Variants in IL16 observed in about 807,000 individuals in gnomAD.
The protein encoded by IL16 is interleukin 16, also known as pro-interleukin-16.
Under a neutral mutation model 110.1 loss-of-function variants are expected in IL16, and 67 were observed. That is an observed-to-expected ratio of 0.61 (90% CI 0.50 to 0.75). The LOEUF (loss-of-function observed/expected upper bound fraction) is 0.75, where lower values mean the gene tolerates loss of function less well. Among genes scored for constraint, IL16 ranks in the 30% least tolerant of loss-of-function variants. The pLI, the probability that IL16 is intolerant of heterozygous loss-of-function variation, is 0.00. For synonymous variants in IL16, 689 were observed against 662.9 expected, an observed-to-expected ratio of 1.04 and a Z score of -0.61; for missense variants, 1,545 against 1,655.0, an observed-to-expected ratio of 0.93 and a Z score of 1.15.
chr15:81,192,286 G>A (rs1192292904), upstream of IL16, among the ~76,000 whole-genome samples: 1 of 152,118 alleles, frequency 6.6e-6, no homozygotes, highest in African/African-American at 2.4e-5. Context: ...AAACTGCTCA[G>A]AACAATAAAG....
upstream of IL16, among the ~76,000 whole-genome samples, chr15:81,195,714 C>A (rs989972801): frequency 7.9e-5 from 12 of 152,150 alleles, no homozygotes; most frequent in African/African-American, 1.2e-4. Flanking sequence ...TGGTGCTGAG[C>A]GTTGGGAAAC....
intron 1 of IL16, among the ~76,000 whole-genome samples, chr15:81,221,668 A>G (rs759446109): frequency 6.8e-6 from 1 of 146,380 alleles, no homozygotes; most frequent in Non-Finnish European, 1.5e-5. Flanking sequence ...CTCTTTTGCA[A>G]TTGTTCTCTT....
chr15:81,196,029 G>C (rs11631430), upstream of IL16, among the ~76,000 whole-genome samples: 2 of 152,164 alleles, frequency 1.3e-5, no homozygotes, highest in Non-Finnish European at 2.9e-5. Context: ...TCACCTGGAG[G>C]CTTTGTGAAA....
chr15:81,250,755 T>C (rs1185907648), intron 2 of IL16, among the ~76,000 whole-genome samples: 1 of 152,250 alleles, frequency 6.6e-6, no homozygotes, highest in Non-Finnish European at 1.5e-5. Context: ...GTAATGATTA[T>C]TCCTCTGGGG....
In IL16 at chr15:81,197,126, G is replaced by T; in HGVS notation, c.-128G>T. ...AGGGAGATGGCAGCCCCGGGGGACTGTGCATAGGGAGGTAGGTGGGCACCA... is the reference window on the plus strand; with the variant it reads ...AGGGAGATGGCAGCCCCGGGGGACTTTGCATAGGGAGGTAGGTGGGCACCA... On this transcript the variant is annotated 5_prime_UTR_variant, in exon 1 of 19. Coordinates refer to ENST00000683961, the MANE Select transcript of IL16 (RefSeq NM_172217.5). The T allele has an allele frequency of 7.8e-7, 1 of 1,288,764 alleles. No homozygotes were observed. Among genetic ancestry groups the T allele is most frequent in the Non-Finnish European group, 1.0e-6 (1 of 988,458 alleles). The allele number at this position is 1,288,764 out of a possible 1,614,324, so 79.8% of individuals were successfully genotyped here. A position where few individuals can be genotyped will look rare whatever the true frequency, so the allele number is the denominator to read the frequency against.
At position 81,278,517 on chromosome 15, in the gene IL16, A is replaced by AG. The variant is rs575998579; in HGVS notation, c.791-297dup. On this transcript the variant is annotated intron_variant, in intron 6 of 18. Transcript: ENST00000683961. ...CATGGGAGCAAATGGTGTGAGGGTC[A>AG]GGGAGACAAGGAGGAAGGAGGTGAA... Among the ~76,000 whole-genome samples, 35 of 152,356 alleles carry AG rather than the reference A, an allele frequency of 2.3e-4. No individual in the cohort carries two copies. In the East Asian group the frequency reaches 5.8e-3, roughly 25 times the overall value.
intron 6 of IL16, among the ~76,000 whole-genome samples, chr15:81,277,908 T>G (rs1288353061): frequency 1.3e-5 from 2 of 152,164 alleles, no homozygotes; most frequent in Non-Finnish European, 2.9e-5. Flanking sequence ...TTGAACAAAT[T>G]GAAAGAAAGG....
At chr15:81,185,503 G>T (rs1012032391) in intron 1 of IL16, among the ~76,000 whole-genome samples, 1 of 151,856 alleles carries the variant, frequency 6.6e-6, no homozygotes, top group South Asian at 2.1e-4. Flanking sequence ...CTACAGGAGC[G>T]TGCCACCATG....
intron 2 of IL16, among the ~76,000 whole-genome samples, chr15:81,247,206 T>A (rs1897594165): frequency 1.3e-5 from 2 of 151,968 alleles, no homozygotes; most frequent in South Asian, 4.1e-4. Context: ...ATTTAATAAA[T>A]TTTGTCCATA....
At chr15:81,262,688 T>C (rs2142200761) in intron 3 of IL16, among the ~76,000 whole-genome samples, 1 of 152,318 alleles carries the variant, frequency 6.6e-6, no homozygotes, top group East Asian at 1.9e-4. Flanking sequence ...TCCCAGCACT[T>C]TGGGAGGCCG....
At position 81,299,592 on chromosome 15, in the gene IL16, G is replaced by A; in HGVS notation, c.2266G>A (p.Gly756Arg). The A allele has an allele frequency of 6.2e-7, 1 of 1,614,172 alleles. No homozygotes were observed. The highest frequency in any genetic ancestry group is 8.5e-7 in the Non-Finnish European group (1 of 1,180,026). ...AGAAGGGACACAGGGCCACCCAGAT[G>A]GGACCCCACCAAAGCTGGACACCGC... Reference protein sequence around the residue: ...EEEGTQGHPDGTPPKLDTANG... With the variant: ...EEEGTQGHPDRTPPKLDTANG... Residue 756 changes from glycine to arginine, a missense_variant, in exon 14 of 19, where the codon GGG (glycine) becomes AGG (arginine). Physicochemically the swap from Gly to Arg is moderately radical, Grantham distance 125. This residue lies in a region of IL16 where 1,185 missense variants were observed against 1,238.8 expected (regional missense o/e 0.96). Transcript: ENST00000683961.
At chr15:81,290,190 A>C (rs1899645321) in intron 10 of IL16, 2 of 486,746 alleles carry the variant, frequency 4.1e-6, no homozygotes, top group South Asian at 6.4e-5. Context: ...ATTTTCCAGC[A>C]AGTAGTGGGG....
Position 81,300,142 on chromosome 15 carries a change from A to T in IL16, c.2816A>T (p.Asp939Val). The T allele has an allele frequency of 6.2e-7, 1 of 1,611,028 alleles. No homozygotes were observed. Among genetic ancestry groups the T allele is most frequent in the South Asian group, 1.1e-5 (1 of 90,956 alleles). ...PNQKTLPPGP[D>V]PLLRLLSTQA... The stretch of plus-strand genomic sequence containing the variant: ...CAGAAAACTCTCCCCCCTGGCCCGG[A>T]CCCGCTCCTAAGGCTGCTGTCAACA... Residue 939 changes from aspartate (D) to valine (V), a missense_variant, in exon 14 of 19, where the codon GAC becomes GTC. Physicochemically the swap from Asp to Val is radical, Grantham distance 152. This residue lies in a region of IL16 where 1,185 missense variants were observed against 1,238.8 expected (regional missense o/e 0.96). Coordinates refer to ENST00000683961, the MANE Select transcript of IL16 (RefSeq NM_172217.5).
At chr15:81,286,234 A>G (rs1359604926) in intron 10 of IL16, among the ~76,000 whole-genome samples, 1 of 152,368 alleles carries the variant, frequency 6.6e-6, no homozygotes, top group South Asian at 2.1e-4. Context: ...CACAGTATCA[A>G]TAAAGAGCCT....
intron 11 of IL16, chr15:81,292,106 TC>T (rs1899748050): frequency 2.6e-6 from 1 of 387,800 alleles, no homozygotes; most frequent in South Asian, 1.8e-5. Flanking sequence ...GCAGCCAAAG[TC>T]CCCATTAGAG....
At chr15:81,187,108 G>A (rs1895430827) in intron 1 of IL16, among the ~76,000 whole-genome samples, 1 of 152,150 alleles carries the variant, frequency 6.6e-6, no homozygotes, top group African/African-American at 2.4e-5. Flanking sequence ...CTATGTGTGT[G>A]CACTTACTTA....
chr15:81,245,724 CTTTTTT>C (rs1009292228), intron 2 of IL16, among the ~76,000 whole-genome samples: 968 of 61,276 alleles, frequency 0.016, 11 homozygotes, highest in African/African-American at 0.063. Flanking sequence ...TTTGTTTTGG[CTTTTTT>C]TTTTTTTTTT....
chr15:81,211,925 A>C (rs1353581664), intron 1 of IL16, among the ~76,000 whole-genome samples: 2 of 152,158 alleles, frequency 1.3e-5, no homozygotes, highest in African/African-American at 2.4e-5. Context: ...GGATTTTTAC[A>C]TCTATGTTCA....
intron 1 of IL16, among the ~76,000 whole-genome samples, chr15:81,214,551 AT>A (rs34712503): frequency 1.5e-4 from 23 of 149,216 alleles, no homozygotes; most frequent in Non-Finnish European, 1.6e-4. Flanking sequence ...TGCCTTTAAG[AT>A]TTTTTTTTTG....
Sources: allele counts gnomAD v4.1 joint callset (sites outside exome capture counted in the v4.1 genomes callset), GRCh38; gene constraint gnomAD v4.1.1; regional missense constraint gnomAD v4.1.1; transcripts MANE v1.5; gene names NCBI Gene and HGNC (gene_info 2026-07-23, HGNC 2026-07-21).